Variants in ZNF469 observed in about 807,000 individuals in gnomAD.
ZNF469 encodes zinc finger protein 469.
A neutral mutation model predicts 1.0 loss-of-function variants in ZNF469; 1 was observed. That is an observed-to-expected ratio of 1.00 (90% CI 0.35 to 4.73). The LOEUF (loss-of-function observed/expected upper bound fraction) is 4.73. Ranked by LOEUF, ZNF469 falls within the 30% of genes most tolerant of loss-of-function variation. ZNF469 has a pLI of 0.16. For missense variants in ZNF469, 6,100 were observed against 5,356.3 expected, an observed-to-expected ratio of 1.14 and a Z score of -4.33; for synonymous variants, 2,703 against 2,363.4, an observed-to-expected ratio of 1.14 and a Z score of -4.17.
At chr16:88,425,388 A>G (rs1160761820) in intron 2 of ZNF469, among the ~76,000 whole-genome samples, 2 of 152,000 alleles carry the variant, frequency 1.3e-5, no homozygotes, top group Admixed American at 1.3e-4. Flanking sequence ...TCCTACCCCC[A>G]ACCCTGCAGC....
the ZNF469 span, among the ~76,000 whole-genome samples, chr16:88,373,391 T>G: frequency 6.6e-6 from 1 of 152,060 alleles, no homozygotes; most frequent in Non-Finnish European, 1.5e-5. Context: ...CATCTCAGGA[T>G]GGGGTGTTGA....
At chr16:88,239,791 AC>A in the ZNF469 span, among the ~76,000 whole-genome samples, 3 of 137,230 alleles carry the variant, frequency 2.2e-5, no homozygotes, top group African/African-American at 8.1e-5. Context: ...CCATCTCCTG[AC>A]CTCGTGATCT....
At position 88,413,013 on chromosome 16, in the gene ZNF469, G is replaced by A. The variant is rs958038577; in HGVS notation, c.-191-11794G>A. ...CCCCCACCTGAGTGGGAGGGTCACCGAGAGACCCAGGGCGCACCACGGCGA... is the reference window on the plus strand; with the variant it reads ...CCCCCACCTGAGTGGGAGGGTCACCAAGAGACCCAGGGCGCACCACGGCGA... On this transcript the variant is annotated intron_variant, in intron 1 of 2. Transcript: ENST00000565624. 1.5e-4 allele frequency among the ~76,000 whole-genome samples: 23 copies of A among 152,066 alleles called. 1 individual carries two copies. Among genetic ancestry groups the A allele is most frequent in the African/African-American group, 4.3e-4 (18 of 41,394 alleles).
At chr16:88,374,342 G>A in the ZNF469 span, among the ~76,000 whole-genome samples, 1 of 152,350 alleles carries the variant, frequency 6.6e-6, no homozygotes, top group African/African-American at 2.4e-5. Flanking sequence ...TGGCAGCAAG[G>A]GAGAGGATTC....
At chr16:88,406,826 G>A (rs889463152) in intron 1 of ZNF469, among the ~76,000 whole-genome samples, 2 of 152,144 alleles carry the variant, frequency 1.3e-5, no homozygotes, top group African/African-American at 4.8e-5. Flanking sequence ...TTTCTTGGTT[G>A]GGGATGACAC....
the ZNF469 span, among the ~76,000 whole-genome samples, chr16:88,189,577 G>T: frequency 2.0e-5 from 3 of 152,188 alleles, no homozygotes; most frequent in African/African-American, 7.2e-5. The surrounding 1 kb of genome is among the most constrained non-coding windows in gnomAD (Gnocchi z 4.3). Context: ...TTGGGTGCTG[G>T]GGAAACGCTC....
intron 1 of ZNF469, among the ~76,000 whole-genome samples, chr16:88,416,796 G>C (rs115032612): frequency 6.6e-6 from 1 of 152,182 alleles, no homozygotes; most frequent in Admixed American, 6.5e-5. Context: ...CTCCCTCCAC[G>C]GGACCCAGCC....
chr16:88,391,335 C>T (rs904338049), intron 1 of ZNF469, among the ~76,000 whole-genome samples: 30 of 152,262 alleles, frequency 2.0e-4, no homozygotes, highest in African/African-American at 6.8e-4. Flanking sequence ...GCAGAAGGGA[C>T]AGAGCCAGGA....
Position 88,435,370 on chromosome 16 carries a change from A to G in ZNF469, c.7900A>G (p.Lys2634Glu), listed in dbSNP as rs998144294. The change falls in exon 3 of 3, where the codon AAA becomes GAA. Residue 2634 changes from lysine to glutamate, a missense_variant. Lys to Glu is a moderately conservative substitution (Grantham distance 56, BLOSUM62 1). Transcript: ENST00000565624. ...CCACTCAGAGGGGAAGTCAAATAAG[A>G]AAAGGGGAAAGCTGAGAGGGAGAAG... is the stretch of plus-strand genomic sequence containing the variant. ...PSHSEGKSNK[K>E]RGKLRGRRLR... The G allele has an allele frequency of 6.8e-5, 106 of 1,550,210 alleles. No homozygotes were observed. Among genetic ancestry groups the G allele is most frequent in the Non-Finnish European group, 9.2e-5 (105 of 1,146,980 alleles).
upstream of ZNF469, among the ~76,000 whole-genome samples, chr16:88,380,725 C>G (rs2092520235): frequency 6.8e-6 from 1 of 147,536 alleles, no homozygotes; most frequent in African/African-American, 2.6e-5. Flanking sequence ...CTCATACACA[C>G]ACAGACATGC....
the ZNF469 span, among the ~76,000 whole-genome samples, chr16:88,355,634 G>A: frequency 1.3e-5 from 2 of 152,238 alleles, no homozygotes; most frequent in Non-Finnish European, 2.9e-5. Context: ...AGTCTGCTCT[G>A]TGAGTGGACA....
chr16:88,161,362 G>C, the ZNF469 span, among the ~76,000 whole-genome samples: 1,376 of 152,282 alleles, frequency 9.0e-3, 18 homozygotes, highest in African/African-American at 0.032. Context: ...GCTTGGAACT[G>C]ACAGTACTGC....
chr16:88,120,794 C>G, the ZNF469 span, among the ~76,000 whole-genome samples: 1 of 152,160 alleles, frequency 6.6e-6, no homozygotes, highest in Non-Finnish European at 1.5e-5. Flanking sequence ...GACGGCGTCT[C>G]GTATGAATCC....
chr16:88,398,250 A>C (rs1008490176), intron 1 of ZNF469, among the ~76,000 whole-genome samples: 3 of 152,082 alleles, frequency 2.0e-5, no homozygotes, highest in Admixed American at 6.5e-5. Context: ...CCACACACGC[A>C]AGACACCACA....
At chr16:88,172,924 G>GA in the ZNF469 span, among the ~76,000 whole-genome samples, 1 of 152,118 alleles carries the variant, frequency 6.6e-6, no homozygotes. Context: ...TCAAAGCAGA[G>GA]AAAAAAGTCT....
At chr16:88,263,757 C>G in the ZNF469 span, among the ~76,000 whole-genome samples, 4 of 152,136 alleles carry the variant, frequency 2.6e-5, no homozygotes, top group African/African-American at 9.7e-5. Flanking sequence ...CCTGCAGACA[C>G]CGCCTCTCCC....
At chr16:88,405,953 C>T (rs530965098) in intron 1 of ZNF469, among the ~76,000 whole-genome samples, 35 of 152,258 alleles carry the variant, frequency 2.3e-4, no homozygotes, top group Non-Finnish European at 4.7e-4. Context: ...AGCGTCTTGG[C>T]AGCTGGTGAG....
rs549851440 is a variant in ZNF469 at position 88,439,661 on chromosome 16, C to T, written c.*329C>T. The T allele has an allele frequency of 2.9e-6, 1 of 348,676 alleles. No homozygotes were observed. The highest frequency in any genetic ancestry group is 6.4e-5 in the East Asian group (1 of 15,722). 21.6% of individuals were successfully genotyped at this position (348,676 alleles called of 1,614,324 possible). ...CCCCTGCGCCCTGTGGGCACCGACA[C>T]CACAGAAGCCAATGTTTGGAGATTT... On this transcript the variant is annotated 3_prime_UTR_variant, in exon 3 of 3. Transcript: ENST00000565624.
chr16:88,426,815 G>A (rs148955915), intron 2 of ZNF469, among the ~76,000 whole-genome samples: 28 of 152,250 alleles, frequency 1.8e-4, no homozygotes, highest in African/African-American at 6.7e-4. Flanking sequence ...CCCAGGCCCT[G>A]AGAGGTTCAG....
Sources: gnomAD v4.1 joint callset for allele counts (sites outside exome capture counted in the v4.1 genomes callset) on GRCh38, gnomAD v4.1.1 for gene constraint, Gnocchi (gnomAD v3.1) non-coding constraint, MANE v1.5 for transcripts, NCBI Gene and HGNC (gene_info 2026-07-23, HGNC 2026-07-21) for gene names.